Variants in IFT74 observed in about 807,000 individuals in gnomAD.
IFT74 encodes the protein intraflagellar transport 74, also known as intraflagellar transport protein 74 homolog.
IFT74 carries 92 observed loss-of-function variants against 96.7 expected under a neutral mutation model. The observed-to-expected ratio is 0.95, with a 90% CI of 0.80 to 1.13. IFT74 has a LOEUF of 1.13. Ranked by LOEUF, IFT74 falls within the 50% of genes most tolerant of loss-of-function variation. The pLI is 0.00. For synonymous variants in IFT74, 223 were observed against 213.2 expected (o/e 1.05, Z -0.40); for missense variants, 811 against 698.2 (o/e 1.16, Z -1.82).
Position 27,029,025 on chromosome 9 carries a change from G to T in IFT74, c.975G>T (p.Gln325His). The change falls in exon 13 of 20, where the codon CAG becomes CAT. Residue 325 changes from glutamine to histidine, a missense_variant and splice_region_variant. Gln to His is a conservative substitution (Grantham distance 24, BLOSUM62 0). Coordinates refer to ENST00000380062, the MANE Select transcript of IFT74 (RefSeq NM_025103.4). The stretch of plus-strand genomic sequence containing the variant: ...AATTCATTAAAAATATTTTCAACAG[G>T]TTAACAGATACAAAAGAAAAGATAA... The part of the protein sequence containing the change: ...DNQEIASMER[Q>H]LTDTKEKINQ... 2 of 1,585,898 alleles carry T rather than the reference G, an allele frequency of 1.3e-6. No homozygotes were observed. The highest frequency in any genetic ancestry group is 1.7e-6 in the Non-Finnish European group (2 of 1,163,178).
intron 10 of IFT74, among the ~76,000 whole-genome samples, chr9:27,013,784 A>G (rs757325920): frequency 1.3e-5 from 2 of 152,130 alleles, no homozygotes; most frequent in Non-Finnish European, 1.5e-5. Flanking sequence ...CTGTGGATTC[A>G]GGTAGACATC....
intron 16 of IFT74, among the ~76,000 whole-genome samples, chr9:27,054,717 A>C (rs1428151522): frequency 4.6e-5 from 7 of 152,216 alleles, no homozygotes; most frequent in Non-Finnish European, 8.8e-5. Flanking sequence ...ACAGCCTGAC[A>C]TGCACATTGC....
At chr9:26,994,109 T>C (rs1351503797) in intron 8 of IFT74, 1 of 152,234 alleles carries the variant, frequency 6.6e-6, no homozygotes, top group Non-Finnish European at 1.5e-5. Context: ...TGGAATGTTA[T>C]TGAACTACGA....
intron 2 of IFT74, among the ~76,000 whole-genome samples, chr9:26,966,615 A>T (rs1045235262): frequency 6.6e-6 from 1 of 151,998 alleles, no homozygotes; most frequent in Non-Finnish European, 1.5e-5. Context: ...ATTTTCTCCT[A>T]TTATGTTGGT....
rs113024225 is a variant in IFT74 at position 26,980,645 on chromosome 9, G to A, written c.305+26G>A. ...GTATGTTAAACATATCTTTTCATCC[G>A]TATGTTTTACTCGAAATATTGTGTA... On this transcript the variant is annotated intron_variant, in intron 4 of 19. Coordinates refer to ENST00000380062, the MANE Select transcript of IFT74 (RefSeq NM_025103.4). The A allele has an allele frequency of 2.7e-4, 397 of 1,470,524 alleles. 1 individual carries two copies. The African/African-American group carries it at 3.7e-3, about 14-fold the overall frequency. The allele number at this position is 1,470,524 out of a possible 1,614,324, so 91.1% of individuals were successfully genotyped here.
intron 16 of IFT74, among the ~76,000 whole-genome samples, chr9:27,051,099 A>G (rs1819899852): frequency 6.6e-6 from 1 of 152,122 alleles, no homozygotes; most frequent in Admixed American, 6.5e-5. Context: ...ATTCCCTCAG[A>G]CTTTGCCATG....
chr9:27,062,482 T>G (rs1416699552), intron 19 of IFT74, 136 bp from the exon 20 acceptor site: 9 of 552,314 alleles, frequency 1.6e-5, no homozygotes, highest in African/African-American at 2.0e-5. Flanking sequence ...GTTAAAATGA[T>G]GTACTGTATT....
chr9:27,055,635 C>A lies in IFT74; in HGVS notation c.1360C>A (p.Gln454Lys). The change falls in exon 17 of 20, where the codon CAG (glutamine) becomes AAG (lysine). Residue 454 changes from glutamine to lysine, a missense_variant. Coordinates refer to ENST00000380062, the MANE Select transcript of IFT74 (RefSeq NM_025103.4). ...CATTCAACGTCTGCAGTTGGATCTG[C>A]AGAAAATGGAGCTTCTAGAAAGTAA... ...SDIQRLQLDL[Q>K]KMELLESKMT... The A allele has an allele frequency of 6.3e-7, 1 of 1,579,730 alleles. No individual in the cohort carries two copies. The highest frequency in any genetic ancestry group is 8.6e-7 in the Non-Finnish European group (1 of 1,168,158).
chr9:26,962,641 T>C (rs1826416018), intron 2 of IFT74, among the ~76,000 whole-genome samples: 1 of 152,254 alleles, frequency 6.6e-6, no homozygotes, highest in African/African-American at 2.4e-5. Flanking sequence ...TTATACCTTT[T>C]ATCAGAATTC....
chr9:27,004,393 A>G (rs901846094), intron 8 of IFT74, among the ~76,000 whole-genome samples: 9 of 152,214 alleles, frequency 5.9e-5, no homozygotes, highest in African/African-American at 2.2e-4. Flanking sequence ...TTAGGTCTGA[A>G]GCTGTGAAAT....
At chr9:27,026,641 A>G (rs754685124) in intron 12 of IFT74, among the ~76,000 whole-genome samples, 3 of 152,198 alleles carry the variant, frequency 2.0e-5, no homozygotes, top group Non-Finnish European at 4.4e-5. Flanking sequence ...ACCACAGTGG[A>G]ATAAAACTGG....
chr9:27,065,934 T>C lies in IFT74; in HGVS notation c.*3198T>C, dbSNP rs181918889. 4.6e-5 allele frequency among the ~76,000 whole-genome samples: 7 copies of C among 152,288 alleles called. No individual in the cohort carries two copies. The highest frequency in any genetic ancestry group is 2.6e-4 in the Admixed American group (4 of 15,294). On this transcript the variant is annotated 3_prime_UTR_variant, in exon 20 of 20. Coordinates refer to ENST00000380062, the MANE Select transcript of IFT74 (RefSeq NM_025103.4). Reference sequence around the variant, plus strand: ...AATTGTAAGTTTACAGTTTGATAACTGAAAAACATTTTTAAAAAGGCAATT... The same window carrying C: ...AATTGTAAGTTTACAGTTTGATAACCGAAAAACATTTTTAAAAAGGCAATT...
chr9:27,003,649 A>C (rs1828622749), intron 8 of IFT74, among the ~76,000 whole-genome samples: 1 of 152,096 alleles, frequency 6.6e-6, no homozygotes, highest in Non-Finnish European at 1.5e-5. Flanking sequence ...CAACTTCCTC[A>C]TTGCCTTTGA....
In IFT74 at chr9:27,022,887, C is replaced by T. The variant is rs567574465; in HGVS notation, c.974+4200C>T. Among the ~76,000 whole-genome samples the T allele has an allele frequency of 3.3e-5, 5 of 152,250 alleles. No individual in the cohort carries two copies. The South Asian group carries it at 1.0e-3, about 32-fold the overall frequency. ...TGACCTGACCTTGTGATCTGCCTAC[C>T]TCGGCCTCCCAAAGTGCTGGGATTA... On this transcript the variant is annotated intron_variant, in intron 12 of 19. Transcript: ENST00000380062.
intron 11 of IFT74, 50 bp from the exon 12 acceptor site, chr9:27,018,597 T>G: frequency 9.9e-7 from 1 of 1,012,144 alleles, no homozygotes; most frequent in Non-Finnish European, 1.5e-6. Flanking sequence ...TAAGATAGCC[T>G]TACAATGAGT....
At chr9:27,036,380 T>G (rs1020918715) in intron 13 of IFT74, 2 of 1,563,576 alleles carry the variant, frequency 1.3e-6, no homozygotes, top group East Asian at 2.3e-5. Context: ...TAAGCTTATA[T>G]GTACTCTTTT....
intron 2 of IFT74, 44 bp from the exon 3 acceptor site, chr9:26,978,084 G>A (rs1827201224): frequency 2.0e-6 from 3 of 1,524,834 alleles, no homozygotes; most frequent in Admixed American, 4.8e-5. Context: ...GATGTACAGT[G>A]TTTTTTCTGG....
At chr9:27,047,618 G>A (rs1819749828) in intron 15 of IFT74, among the ~76,000 whole-genome samples, 1 of 152,152 alleles carries the variant, frequency 6.6e-6, no homozygotes, top group South Asian at 2.1e-4. Flanking sequence ...AGTAAATGAA[G>A]CACTAATTCA....
chr9:27,054,679 G>A (rs1300123835), intron 16 of IFT74, among the ~76,000 whole-genome samples: 1 of 151,866 alleles, frequency 6.6e-6, no homozygotes, highest in Non-Finnish European at 1.5e-5. Flanking sequence ...ATCATTTGTG[G>A]GCATGTGCAG....
Sources: gnomAD v4.1 joint callset for allele counts (sites outside exome capture counted in the v4.1 genomes callset) on GRCh38, gnomAD v4.1.1 for gene constraint, MANE v1.5 for transcripts, NCBI Gene and HGNC (gene_info 2026-07-23, HGNC 2026-07-21) for gene names.